The following GPSM1 variants were observed in gnomAD, a reference collection of about 807,000 sequenced individuals.
GPSM1 encodes G protein-signaling modulator 1.
A neutral mutation model predicts 70.5 loss-of-function variants in GPSM1; 48 were observed. That is an observed-to-expected ratio of 0.68 (90% CI 0.54 to 0.87). GPSM1 has a LOEUF of 0.87. Among genes scored for constraint, GPSM1 ranks in the 40% least tolerant of loss-of-function variants. The pLI is 0.00. For missense variants in GPSM1, 981 were observed against 972.6 expected (o/e 1.01, Z -0.11); for synonymous variants, 416 against 430.1 (o/e 0.97, Z 0.41).
In GPSM1 at chr9:136,358,519, C is replaced by G. The variant is rs1381879339; in HGVS notation, c.*299C>G. ...CTGTCAGACTCCCGCATCCTCTCCC[C>G]CAAGCCCTTCCCGTTCTGCCCTGCC... On this transcript the variant is annotated 3_prime_UTR_variant, in exon 14 of 14. Transcript: ENST00000440944. 9.6e-6 allele frequency: 5 copies of G among 522,956 alleles called. No individual in the cohort carries two copies. The highest frequency in any genetic ancestry group is 8.1e-5 in the African/African-American group (4 of 49,124). 32.4% of individuals were successfully genotyped at this position (522,956 alleles called of 1,614,324 possible).
At chr9:136,336,447 G>A (rs1554769257) in intron 3 of GPSM1, among the ~76,000 whole-genome samples, 1 of 152,192 alleles carries the variant, frequency 6.6e-6, no homozygotes, top group East Asian at 1.9e-4. Flanking sequence ...GTGGGAGGCC[G>A]ATTTCAATGG....
intron 3 of GPSM1, 67 bp from the exon 4 acceptor site, chr9:136,336,854 G>A (rs1588693112): frequency 4.8e-6 from 7 of 1,456,172 alleles, no homozygotes; most frequent in Admixed American, 4.3e-5. Context: ...GGACACCGGT[G>A]TGCCGGCTCT....
At chr9:136,354,528 A>C (rs1178477520) in intron 11 of GPSM1, among the ~76,000 whole-genome samples, 1 of 152,260 alleles carries the variant, frequency 6.6e-6, no homozygotes, top group African/African-American at 2.4e-5. Context: ...GACCTGGAAG[A>C]GGCCACCAGC....
intron 11 of GPSM1, among the ~76,000 whole-genome samples, chr9:136,354,649 C>T (rs1832764060): frequency 6.6e-6 from 1 of 152,254 alleles, no homozygotes; most frequent in South Asian, 2.1e-4. Flanking sequence ...GGACCAGGCC[C>T]TGTGAGGCTG....
intron 11 of GPSM1, among the ~76,000 whole-genome samples, chr9:136,354,521 CT>C (rs1177557009): frequency 1.3e-5 from 2 of 152,274 alleles, no homozygotes; most frequent in Non-Finnish European, 2.9e-5. Context: ...ATTTGCAGAC[CT>C]GGAAGAGGCC....
At chr9:136,338,517 GCCCT>G (rs1554769676) in intron 6 of GPSM1, 34 bp from the exon 7 acceptor site, 1 of 1,583,504 alleles carries the variant, frequency 6.3e-7, no homozygotes, top group African/African-American at 1.3e-5. Flanking sequence ...TCACCCTGGA[GCCCT>G]CCTCCTGGGG....
At chr9:136,336,801 T>TG (rs1832248012) in intron 3 of GPSM1, 120 bp from the exon 4 acceptor site, 1 of 1,003,882 alleles carries the variant, frequency 1.0e-6, no homozygotes, top group African/African-American at 1.6e-5. Flanking sequence ...TGTGACTCAG[T>TG]GGGAGCCCCC....
rs932842872 is a variant in GPSM1 at position 136,340,590 on chromosome 9, C to T, written c.1084-280C>T. On this transcript the variant is annotated intron_variant, in intron 8 of 13. Transcript: ENST00000440944. The surrounding 1 kb of genome is among the most constrained non-coding windows in gnomAD (Gnocchi z 7.3). Reference sequence around the variant, plus strand: ...GGGCGGGGCCGGGCCCCTCGCGCACCGGAGGGCACAGGCCCAACCGCCTGG... The same window carrying T: ...GGGCGGGGCCGGGCCCCTCGCGCACTGGAGGGCACAGGCCCAACCGCCTGG... Among the ~76,000 whole-genome samples, 16 of 152,054 alleles carry T rather than the reference C, an allele frequency of 1.1e-4. No homozygotes were observed. The highest frequency in any genetic ancestry group is 1.9e-4 in the Non-Finnish European group (13 of 67,974).
At chr9:136,356,279 C>T in intron 12 of GPSM1, 63 bp from the exon 13 acceptor site, 1 of 1,251,822 alleles carries the variant, frequency 8.0e-7, no homozygotes, top group Non-Finnish European at 1.1e-6. Context: ...ACTGTGGCCG[C>T]AGCCCGAGCC....
intron 13 of GPSM1, among the ~76,000 whole-genome samples, chr9:136,357,140 G>A (rs1423050641): frequency 6.6e-6 from 1 of 152,202 alleles, no homozygotes; most frequent in Non-Finnish European, 1.5e-5. Context: ...TGGCCGGAGT[G>A]GAGACTGCTG....
intron 13 of GPSM1, among the ~76,000 whole-genome samples, chr9:136,357,727 G>A (rs1260651977): frequency 6.6e-6 from 1 of 152,224 alleles, no homozygotes; most frequent in Non-Finnish European, 1.5e-5. Flanking sequence ...ACTGTCTCCT[G>A]GGCCTGGCAC....
At chr9:136,356,253 TCA>T in intron 12 of GPSM1, 87 bp from the exon 13 acceptor site, 5 of 1,019,466 alleles carry the variant, frequency 4.9e-6, no homozygotes, top group Non-Finnish European at 6.9e-6. Flanking sequence ...TGGGCTGGGC[TCA>T]GAGGTCAGAG....
chr9:136,355,687 CA>C lies in GPSM1; in HGVS notation c.1456-2del. The stretch of plus-strand genomic sequence containing the variant: ...GGCTGCGGTGACCCCACTCCCTCCC[CA>C]GAGCATCCCGAGGGCCCCGTCTTCG... On this transcript the variant is annotated splice_acceptor_variant, in intron 11 of 13. Coordinates refer to ENST00000440944, the MANE Select transcript of GPSM1 (RefSeq NM_001145638.3). LOFTEE classifies it high-confidence loss of function. 1 of 1,611,650 alleles carries C rather than the reference CA, an allele frequency of 6.2e-7. No homozygotes were observed. The highest frequency in any genetic ancestry group is 8.5e-7 in the Non-Finnish European group (1 of 1,179,184).
rs549837196 is a variant in GPSM1 at position 136,356,582 on chromosome 9, C to T, written c.1821+32C>T. ...TGCGGCCCTGGGCGGGCGTGGCTCG[C>T]GGCCCCTTTGCCATCCACGTGTGTG... On this transcript the variant is annotated intron_variant, in intron 13 of 13. Transcript: ENST00000440944. The T allele has an allele frequency of 8.1e-5, 125 of 1,537,690 alleles. No individual in the cohort carries two copies. In the East Asian group the frequency reaches 2.0e-3, roughly 25 times the overall value.
chr9:136,332,755 G>A (rs1832131641), intron 1 of GPSM1, among the ~76,000 whole-genome samples: 1 of 151,670 alleles, frequency 6.6e-6, no homozygotes, highest in Non-Finnish European at 1.5e-5. Flanking sequence ...GTGGGTGGGA[G>A]GGCCTGGCCC....
intron 3 of GPSM1, among the ~76,000 whole-genome samples, chr9:136,336,463 G>T (rs1311990626): frequency 6.6e-6 from 1 of 152,240 alleles, no homozygotes; most frequent in African/African-American, 2.4e-5. Context: ...AATGGCGGTG[G>T]TGACAGCAGG....
intron 5 of GPSM1, 121 bp from the exon 6 acceptor site, chr9:136,337,725 G>T: frequency 1.0e-6 from 1 of 996,416 alleles, no homozygotes; most frequent in Non-Finnish European, 1.5e-6. Context: ...GCAGCTGCTA[G>T]CTGCTCACCC....
intron 8 of GPSM1, 79 bp downstream of exon 8, chr9:136,339,894 G>A (rs1037782858): frequency 3.6e-5 from 31 of 860,064 alleles, no homozygotes; most frequent in African/African-American, 6.6e-5. Flanking sequence ...TGCCCCGAGC[G>A]AGCGTGTGCG....
intron 11 of GPSM1, among the ~76,000 whole-genome samples, chr9:136,350,852 A>G (rs186240361): frequency 6.6e-6 from 1 of 152,150 alleles, no homozygotes; most frequent in East Asian, 1.9e-4. Flanking sequence ...TGCCAAGTGT[A>G]TGGGTGGACG....
Sources: gnomAD v4.1 joint callset for allele counts (sites outside exome capture counted in the v4.1 genomes callset) on GRCh38, gnomAD v4.1.1 for gene constraint, Gnocchi (gnomAD v3.1) non-coding constraint, MANE v1.5 for transcripts, NCBI Gene and HGNC (gene_info 2026-07-23, HGNC 2026-07-21) for gene names.